The following PIGL variants were observed in gnomAD, a reference collection of about 807,000 sequenced individuals.
PIGL encodes phosphatidylinositol glycan anchor biosynthesis class L.
Under a neutral mutation model 31.1 loss-of-function variants are expected in PIGL, and 22 were observed. That is an observed-to-expected ratio of 0.71 (90% CI 0.51 to 1.01). The LOEUF is 1.01. Ranked by LOEUF, PIGL falls within the 50% of genes least tolerant of loss-of-function variation. The pLI is 0.00. For synonymous variants in PIGL, 131 were observed against 117.4 expected, an observed-to-expected ratio of 1.12 and a Z score of -0.75; for missense variants, 302 against 315.9, an observed-to-expected ratio of 0.96 and a Z score of 0.33.
At chr17:16,266,915 G>T (rs1255329207) in intron 2 of PIGL, among the ~76,000 whole-genome samples, 1 of 149,082 alleles carries the variant, frequency 6.7e-6, no homozygotes, top group East Asian at 2.1e-4. Context: ...TTGGGGGGGG[G>T]GGGGTTGTCG....
chr17:16,272,979 G>T (rs2092878843), intron 2 of PIGL, among the ~76,000 whole-genome samples: 1 of 152,220 alleles, frequency 6.6e-6, no homozygotes, highest in Non-Finnish European at 1.5e-5. Context: ...ACAGGATTCT[G>T]AGAGGACATG....
chr17:16,307,810 A>G (rs1193019712), intron 3 of PIGL, among the ~76,000 whole-genome samples: 1 of 151,952 alleles, frequency 6.6e-6, no homozygotes, highest in Non-Finnish European at 1.5e-5. Context: ...TTACAGAAAG[A>G]AATTTTTTTA....
chr17:16,286,112 G>A (rs1265501675), intron 2 of PIGL, among the ~76,000 whole-genome samples: 1 of 152,250 alleles, frequency 6.6e-6, no homozygotes, highest in African/African-American at 2.4e-5. Flanking sequence ...TTAGAGATGG[G>A]CCAGAGGTGG....
chr17:16,266,681 C>T (rs933490691), intron 2 of PIGL, among the ~76,000 whole-genome samples: 4 of 151,890 alleles, frequency 2.6e-5, no homozygotes, highest in African/African-American at 9.7e-5. Context: ...CTGCAAGCTC[C>T]GCGTCCCAGG....
chr17:16,282,420 T>TC (rs780857176), intron 2 of PIGL, among the ~76,000 whole-genome samples: 29 of 152,166 alleles, frequency 1.9e-4, no homozygotes, highest in Non-Finnish European at 1.3e-4. Context: ...TGTTTTTTTT[T>TC]CACCAGTCTA....
intron 1 of PIGL, among the ~76,000 whole-genome samples, chr17:16,223,716 TAAAAAAGAAAAAA>T (rs2092639510): frequency 6.7e-6 from 1 of 148,898 alleles, no homozygotes; most frequent in South Asian, 2.1e-4. Context: ...CCCATCTATT[TAAAAAAGAAAAAA>T]AAAAAAGAAA....
At chr17:16,229,481 C>CTTTTTTTT (rs71353784) in intron 1 of PIGL, among the ~76,000 whole-genome samples, 2 of 114,210 alleles carry the variant, frequency 1.8e-5, no homozygotes, top group Non-Finnish European at 3.6e-5. Flanking sequence ...ACCGGTTTTC[C>CTTTTTTTT]TTTTTTTTTT....
At chr17:16,221,395 C>T (rs886536527) in intron 1 of PIGL, among the ~76,000 whole-genome samples, 11 of 151,958 alleles carry the variant, frequency 7.2e-5, no homozygotes, top group Non-Finnish European at 1.3e-4. Context: ...TCAAGTGATC[C>T]TCCCGCCTCA....
intron 2 of PIGL, among the ~76,000 whole-genome samples, chr17:16,272,832 T>C (rs2092878316): frequency 6.6e-6 from 1 of 152,116 alleles, no homozygotes; most frequent in African/African-American, 2.4e-5. Context: ...CTTGGGTCGG[T>C]CACCTTCAGC....
At chr17:16,253,871 A>G (rs143210998) in intron 2 of PIGL, among the ~76,000 whole-genome samples, 195 of 152,172 alleles carry the variant, frequency 1.3e-3, no homozygotes, top group African/African-American at 4.5e-3. Flanking sequence ...TGAGCCCAGG[A>G]GTTCAAGGCT....
At chr17:16,253,342 G>C (rs985078166) in intron 2 of PIGL, among the ~76,000 whole-genome samples, 4 of 151,966 alleles carry the variant, frequency 2.6e-5, no homozygotes, top group African/African-American at 9.7e-5. Flanking sequence ...AAGTGCATGG[G>C]GGCCCAATGA....
intron 2 of PIGL, among the ~76,000 whole-genome samples, chr17:16,245,930 C>T (rs2092744596): frequency 6.6e-6 from 1 of 151,676 alleles, no homozygotes; most frequent in African/African-American, 2.4e-5. Context: ...CACCATTCTC[C>T]CACCTCAGCC....
intron 2 of PIGL, among the ~76,000 whole-genome samples, chr17:16,274,885 A>G (rs1397206278): frequency 6.6e-6 from 1 of 151,844 alleles, no homozygotes; most frequent in Non-Finnish European, 1.5e-5. Flanking sequence ...TACAAAAATT[A>G]GCCGAGTGTG....
At chr17:16,318,799 C>G (rs1357138722) in intron 6 of PIGL, among the ~76,000 whole-genome samples, 3 of 151,788 alleles carry the variant, frequency 2.0e-5, no homozygotes, top group Non-Finnish European at 4.4e-5. Flanking sequence ...GGCGTGGTGG[C>G]ATGCACCTGT....
intron 2 of PIGL, among the ~76,000 whole-genome samples, chr17:16,252,937 G>C (rs879156327): frequency 2.0e-5 from 3 of 152,206 alleles, no homozygotes; most frequent in Non-Finnish European, 4.4e-5. Flanking sequence ...AACAAAGAAG[G>C]CTGGGCGTGG....
rs116654162 is a variant in PIGL, at chr17:16,224,359, C to T, written c.235+6898C>T. Among the ~76,000 whole-genome samples the T allele has an allele frequency of 9.2e-3, 1,399 of 151,986 alleles. 27 individuals carry two copies. Among genetic ancestry groups the T allele is most frequent in the African/African-American group, 0.032 (1,334 of 41,490 alleles). On this transcript the variant is annotated intron_variant, in intron 1 of 6. Coordinates refer to ENST00000225609, the MANE Select transcript of PIGL (RefSeq NM_004278.4). Reference sequence around the variant, plus strand: ...TTTTTTATGGGGGAAGACAGAGCCTCACTGTTGCACAATCTTGGCTCACTG... The same window carrying T: ...TTTTTTATGGGGGAAGACAGAGCCTTACTGTTGCACAATCTTGGCTCACTG...
At chr17:16,246,571 G>A (rs2092748173) in intron 2 of PIGL, among the ~76,000 whole-genome samples, 1 of 151,136 alleles carries the variant, frequency 6.6e-6, no homozygotes, top group Non-Finnish European at 1.5e-5. Context: ...ATGCATCTTA[G>A]TCTGCTTGGG....
intron 6 of PIGL, among the ~76,000 whole-genome samples, chr17:16,320,162 G>A (rs909688413): frequency 1.4e-5 from 2 of 146,342 alleles, no homozygotes; most frequent in Non-Finnish European, 3.0e-5. Context: ...GAGGAAGGAA[G>A]GGAGAAAGAG....
intron 3 of PIGL, among the ~76,000 whole-genome samples, chr17:16,309,728 G>A (rs1297536211): frequency 1.4e-5 from 2 of 146,228 alleles, no homozygotes; most frequent in Admixed American, 7.0e-5. Flanking sequence ...GCGCCACTGC[G>A]CTCCAGCCTG....
Sources: gnomAD v4.1 joint callset for allele counts (sites outside exome capture counted in the v4.1 genomes callset) on GRCh38, gnomAD v4.1.1 for gene constraint, MANE v1.5 for transcripts, NCBI Gene and HGNC (gene_info 2026-07-23, HGNC 2026-07-21) for gene names.